SPATA31G1: variants seen among roughly 807,000 people sequenced by gnomAD.
The protein encoded by SPATA31G1 is SPATA31 subfamily G member 1.
the SPATA31G1 span, chr9:35,042,740 C>T: frequency 7.4e-7 from 1 of 1,359,624 alleles, no homozygotes; most frequent in Non-Finnish European, 1.0e-6. Context: ...TGACTGGCCA[C>T]ACACGTGGGA....
At chr9:35,044,899 T>A in the SPATA31G1 span, 1 of 1,614,038 alleles carries the variant, frequency 6.2e-7, no homozygotes, top group Non-Finnish European at 8.5e-7. Flanking sequence ...TGCCCAGGGG[T>A]TAAGGCAGAG....
chr9:35,041,368 A>G, the SPATA31G1 span: 6 of 214,298 alleles, frequency 2.8e-5, no homozygotes, highest in East Asian at 3.1e-4. Context: ...TTTATTCCTA[A>G]TAAGATGGAG....
At chr9:35,044,050 T>C in the SPATA31G1 span, 3 of 1,613,840 alleles carry the variant, frequency 1.9e-6, no homozygotes, top group African/African-American at 1.3e-5. Context: ...CCTCCCAGCC[T>C]TCCCTCAGTC....
the SPATA31G1 span, chr9:35,041,105 A>G: frequency 2.2e-6 from 1 of 455,000 alleles, no homozygotes; most frequent in Non-Finnish European, 4.4e-6. Flanking sequence ...AAAAAGAGGC[A>G]AAGGCAGAGA....
the SPATA31G1 span, chr9:35,044,799 G>C: frequency 6.8e-6 from 11 of 1,614,068 alleles, no homozygotes; most frequent in Non-Finnish European, 9.3e-6. Flanking sequence ...TCTGGCAGTG[G>C]ATCCCCTACA....
At chr9:35,042,407 G>C in the SPATA31G1 span, 2 of 1,614,202 alleles carry the variant, frequency 1.2e-6, no homozygotes, top group Non-Finnish European at 1.7e-6. Context: ...TCGTGGTTTG[G>C]CAGATTCAGA....
At chr9:35,043,532 C>T in the SPATA31G1 span, 32 of 1,614,024 alleles carry the variant, frequency 2.0e-5, no homozygotes, top group Admixed American at 1.2e-4. Context: ...TTTTATCTGG[C>T]GCTGAGGCAC....
the SPATA31G1 span, chr9:35,045,724 G>A: frequency 9.9e-6 from 16 of 1,614,064 alleles, no homozygotes; most frequent in African/African-American, 5.3e-5. Flanking sequence ...CTGACCCCTC[G>A]CCACTGTAAG....
At chr9:35,044,493 G>C in the SPATA31G1 span, 1 of 1,613,992 alleles carries the variant, frequency 6.2e-7, no homozygotes, top group Non-Finnish European at 8.5e-7. Flanking sequence ...AGTCTTGTCT[G>C]ATTCTCAGTC....
the SPATA31G1 span, chr9:35,045,625 C>T: frequency 3.1e-6 from 5 of 1,614,226 alleles, no homozygotes; most frequent in Admixed American, 1.7e-5. Context: ...GGCCAGAGCT[C>T]TCAACACACT....
the SPATA31G1 span, chr9:35,042,048 G>A: frequency 1.4e-6 from 1 of 692,586 alleles, no homozygotes; most frequent in African/African-American, 1.8e-5. Context: ...TAACCACAAT[G>A]CCTGAAGCAT....
the SPATA31G1 span, chr9:35,044,170 A>G: frequency 6.2e-7 from 1 of 1,614,134 alleles, no homozygotes; most frequent in Non-Finnish European, 8.5e-7. Flanking sequence ...GATTCCCCAG[A>G]CCCTGTTCAT....
the SPATA31G1 span, chr9:35,043,457 A>AT: frequency 6.2e-7 from 1 of 1,613,816 alleles, no homozygotes; most frequent in Non-Finnish European, 8.5e-7. Context: ...TTCCACCTCC[A>AT]TCTTCTCCTT....
At chr9:35,042,069 TG>T in the SPATA31G1 span, 1 of 835,058 alleles carries the variant, frequency 1.2e-6, no homozygotes, top group Non-Finnish European at 1.8e-6. Flanking sequence ...AATTCTGAAC[TG>T]GGCAATCAAA....
At chr9:35,042,616 C>G in the SPATA31G1 span, 2 of 1,423,864 alleles carry the variant, frequency 1.4e-6, no homozygotes, top group Admixed American at 4.1e-5. Flanking sequence ...ACCACTGACA[C>G]TAGATTTGAA....
At chr9:35,045,463 G>C in the SPATA31G1 span, 18 of 1,613,956 alleles carry the variant, frequency 1.1e-5, no homozygotes, top group African/African-American at 1.7e-4. Flanking sequence ...GCCAAAAAGA[G>C]AGAGCACCCT....
At chr9:35,044,786 C>T in the SPATA31G1 span, 1 of 1,614,164 alleles carries the variant, frequency 6.2e-7, no homozygotes, top group African/African-American at 1.3e-5. Flanking sequence ...AAGGCCCCAG[C>T]CCTCTGGCAG....
At chr9:35,043,337 A>ACCTAGGTCCAACCTGTTGCTTCC in the SPATA31G1 span, 1 of 1,613,970 alleles carries the variant, frequency 6.2e-7, no homozygotes, top group Non-Finnish European at 8.5e-7. Flanking sequence ...TTGCCTTCCT[A>ACCTAGGTCCAACCTGTTGCTTCC]CCTAGGTCCA....
the SPATA31G1 span, chr9:35,043,832 GA>G: frequency 1.3e-5 from 21 of 1,614,066 alleles, 1 homozygote; most frequent in South Asian, 1.6e-4. Context: ...TCCAGAGAGA[GA>G]GTTCCCTGGA....
Sources: allele counts gnomAD v4.1 joint callset, GRCh38; gene constraint gnomAD v4.1.1; transcripts MANE v1.5; gene names NCBI Gene and HGNC (gene_info 2026-07-23, HGNC 2026-07-21).